FBXO28: variants seen among roughly 807,000 people sequenced by gnomAD.
The protein encoded by FBXO28 is F-box only protein 28.
In FBXO28, 8 loss-of-function variants were observed where a neutral mutation model predicts 38.1. The ratio of observed to expected loss-of-function variants is 0.21; its 90% CI spans 0.12 to 0.38. The LOEUF (loss-of-function observed/expected upper bound fraction) is 0.38. FBXO28 is among the 10% of genes least tolerant of loss of function. The pLI is 1.00. For synonymous variants in FBXO28, 168 were observed against 173.8 expected (o/e 0.97, Z 0.26); for missense variants, 345 against 460.6 (o/e 0.75, Z 2.30).
In FBXO28 at chr1:224,133,338, C is replaced by T. The variant is rs189095919; in HGVS notation, c.378-736C>T. 3.9e-4 allele frequency among the ~76,000 whole-genome samples: 60 copies of T among 152,102 alleles called. 1 individual carries two copies. The East Asian group carries it at 0.011, about 29-fold the overall frequency. On this transcript the variant is annotated intron_variant, in intron 2 of 4. Coordinates refer to ENST00000366862, the MANE Select transcript of FBXO28 (RefSeq NM_015176.4). The stretch of plus-strand genomic sequence containing the variant: ...ATACTAAACACCACTAAATTTAGTC[C>T]TCTTTAAGATAATTTTATTATGTCT...
At chr1:224,117,835 C>T (rs1421698114) in intron 1 of FBXO28, among the ~76,000 whole-genome samples, 1 of 151,604 alleles carries the variant, frequency 6.6e-6, no homozygotes, top group Non-Finnish European at 1.5e-5. Context: ...TGGTGAAACC[C>T]CATCTCTACC....
At chr1:224,154,599 G>C (rs867569134) in intron 4 of FBXO28, among the ~76,000 whole-genome samples, 2 of 151,648 alleles carry the variant, frequency 1.3e-5, no homozygotes, top group African/African-American at 2.4e-5. Flanking sequence ...ACGAGGTCAG[G>C]AGATGGAGAC....
rs375055878 is a variant in FBXO28, at chr1:224,114,155, T to C, written c.26T>C (p.Met9Thr). MAAAAEER[M>T]AEEGGGGQGD... ...ATGGCGGCAGCGGCGGAGGAGCGGA[T>C]GGCAGAGGAAGGAGGCGGCGGCCAA... Residue 9 changes from methionine (M) to threonine (T), a missense_variant, in exon 1 of 5, where the codon ATG (methionine) becomes ACG (threonine). Physicochemically the swap from Met to Thr is moderately conservative, Grantham distance 81. This residue lies in a region of FBXO28 where 104 missense variants were observed against 82.0 expected (regional missense o/e 1.27). Coordinates refer to ENST00000366862, the MANE Select transcript of FBXO28 (RefSeq NM_015176.4). The C allele has an allele frequency of 5.8e-6, 9 of 1,545,408 alleles. No homozygotes were observed. The highest frequency in any genetic ancestry group is 7.9e-6 in the Non-Finnish European group (9 of 1,144,852).
At chr1:224,137,505 G>A (rs940718425) in intron 3 of FBXO28, among the ~76,000 whole-genome samples, 4 of 151,604 alleles carry the variant, frequency 2.6e-5, no homozygotes, top group Middle Eastern at 3.2e-3. Flanking sequence ...CCTGGCAACA[G>A]AGCGAGACTC....
Position 224,130,582 on chromosome 1 carries a change from G to A in FBXO28, c.377+1G>A. The stretch of plus-strand genomic sequence containing the variant: ...AACAAGTTAAAGCACAACTCCCAAG[G>A]TATGTTGTGGGTGGCAATGACAATG... On this transcript the variant is annotated splice_donor_variant, in intron 2 of 4. Coordinates refer to ENST00000366862, the MANE Select transcript of FBXO28 (RefSeq NM_015176.4). LOFTEE classifies it high-confidence loss of function. 1 of 1,594,616 alleles carries A rather than the reference G, an allele frequency of 6.3e-7. No homozygotes were observed. The highest frequency in any genetic ancestry group is 8.6e-7 in the Non-Finnish European group (1 of 1,162,796).
chr1:224,144,736 G>A (rs1428405771), intron 3 of FBXO28, among the ~76,000 whole-genome samples: 1 of 151,960 alleles, frequency 6.6e-6, no homozygotes, highest in African/African-American at 2.4e-5. Flanking sequence ...CTCCAGCCTG[G>A]TGACAGAGCA....
At position 224,141,694 on chromosome 1, in the gene FBXO28, A is replaced by G. The variant is rs537592380; in HGVS notation, c.516+7482A>G. 3.9e-5 allele frequency among the ~76,000 whole-genome samples: 6 copies of G among 152,256 alleles called. No homozygotes were observed. The East Asian group carries it at 7.7e-4, about 20-fold the overall frequency. On this transcript the variant is annotated intron_variant, in intron 3 of 4. Transcript: ENST00000366862. The stretch of plus-strand genomic sequence containing the variant: ...ACTGACTATTGTAGGTGATTATAAC[A>G]CAATCATATTTGTATATCTAAACAT...
At chr1:224,124,737 C>T (rs903740748) in intron 1 of FBXO28, among the ~76,000 whole-genome samples, 1 of 151,996 alleles carries the variant, frequency 6.6e-6, no homozygotes, top group African/African-American at 2.4e-5. Context: ...TGTATTGTTT[C>T]GTTTTTGAGA....
chr1:224,153,498 C>A (rs924953621), intron 4 of FBXO28, among the ~76,000 whole-genome samples, 161 bp downstream of exon 4: 3 of 152,168 alleles, frequency 2.0e-5, no homozygotes, highest in Non-Finnish European at 2.9e-5. Context: ...CACAACTAAT[C>A]CACTAGTTAG....
At chr1:224,124,935 C>G (rs1288571079) in intron 1 of FBXO28, among the ~76,000 whole-genome samples, 1 of 151,996 alleles carries the variant, frequency 6.6e-6, no homozygotes, top group Non-Finnish European at 1.5e-5. Flanking sequence ...ACCCTGTTGA[C>G]CAGGTGGTCT....
chr1:224,148,462 AAC>A (rs1657563519), intron 3 of FBXO28, among the ~76,000 whole-genome samples: 1 of 152,094 alleles, frequency 6.6e-6, no homozygotes, highest in Non-Finnish European at 1.5e-5. Context: ...CATCCTGCCT[AAC>A]ACGGTGAAAC....
In FBXO28 at chr1:224,158,013, A is replaced by G; in HGVS notation, c.*267A>G. On this transcript the variant is annotated 3_prime_UTR_variant, in exon 5 of 5. Transcript: ENST00000366862. The stretch of plus-strand genomic sequence containing the variant: ...GGAGTTAACTTTTTTCTGTGCAGAT[A>G]ATGTTGAAAGTAAGTTAATTTGTTT... The G allele has an allele frequency of 4.2e-6, 5 of 1,204,450 alleles. No individual in the cohort carries two copies. Among genetic ancestry groups the G allele is most frequent in the Non-Finnish European group, 5.2e-6 (5 of 969,410 alleles). 74.6% of individuals were successfully genotyped at this position (1,204,450 alleles called of 1,614,324 possible). A position where few individuals can be genotyped will look rare whatever the true frequency, so the allele number is the denominator to read the frequency against.
At chr1:224,123,082 A>AG (rs1186046214) in intron 1 of FBXO28, among the ~76,000 whole-genome samples, 2 of 151,298 alleles carry the variant, frequency 1.3e-5, no homozygotes, top group African/African-American at 4.9e-5. Context: ...TCTCACTTTA[A>AG]AAAAAAAGGA....
chr1:224,134,344 C>G (rs1657125824), intron 3 of FBXO28, 132 bp downstream of exon 3: 2 of 773,854 alleles, frequency 2.6e-6, no homozygotes, highest in Non-Finnish European at 4.0e-6. Context: ...AATTTGTTTG[C>G]TTTCTGTACA....
At chr1:224,139,494 AG>A (rs1293915645) in intron 3 of FBXO28, among the ~76,000 whole-genome samples, 1 of 151,810 alleles carries the variant, frequency 6.6e-6, no homozygotes, top group African/African-American at 2.4e-5. Context: ...CTGTAATCCC[AG>A]CACTTTGGGA....
intron 3 of FBXO28, among the ~76,000 whole-genome samples, chr1:224,152,041 TAA>T (rs11417373): frequency 2.8e-5 from 4 of 141,872 alleles, no homozygotes; most frequent in Admixed American, 7.1e-5. Context: ...GACTCCATCT[TAA>T]AAAAAAAAAA....
chr1:224,152,011 C>T (rs769841483), intron 3 of FBXO28, among the ~76,000 whole-genome samples: 2 of 150,816 alleles, frequency 1.3e-5, no homozygotes, highest in Non-Finnish European at 2.9e-5. Flanking sequence ...CACTGCACTC[C>T]AGCCTGGACA....
chr1:224,128,894 G>A (rs1011062339), intron 1 of FBXO28, among the ~76,000 whole-genome samples: 1 of 149,822 alleles, frequency 6.7e-6, no homozygotes, highest in African/African-American at 2.5e-5. Flanking sequence ...GCTGAGACAG[G>A]AGGATTGCTT....
intron 1 of FBXO28, 87 bp downstream of exon 1, chr1:224,114,483 C>G (rs575345908): frequency 1.6e-5 from 19 of 1,181,022 alleles, no homozygotes; most frequent in African/African-American, 3.2e-5. Context: ...GGGAAGGGAG[C>G]CCCCCGCGAG....
Sources: allele counts gnomAD v4.1 joint callset (sites outside exome capture counted in the v4.1 genomes callset), GRCh38; gene constraint gnomAD v4.1.1; regional missense constraint gnomAD v4.1.1; transcripts MANE v1.5; gene names NCBI Gene and HGNC (gene_info 2026-07-23, HGNC 2026-07-21).